SLC4A5: variants seen among roughly 807,000 people sequenced by gnomAD.
The protein encoded by SLC4A5 is electrogenic sodium bicarbonate cotransporter 4.
SLC4A5 carries 96 observed loss-of-function variants against 120.4 expected under a neutral mutation model. The observed-to-expected ratio is 0.80, with a 90% CI of 0.68 to 0.94. The LOEUF (loss-of-function observed/expected upper bound fraction) is 0.94, where lower values mean the gene tolerates loss of function less well. SLC4A5 is among the 40% of genes least tolerant of loss of function. The pLI is 0.00. For synonymous variants in SLC4A5, 550 were observed against 571.1 expected (o/e 0.96, Z 0.53); for missense variants, 1,259 against 1,459.5 (o/e 0.86, Z 2.24).
chr2:74,269,434 T>C (rs773736428), intron 8 of SLC4A5, among the ~76,000 whole-genome samples: 1 of 152,134 alleles, frequency 6.6e-6, no homozygotes, highest in Non-Finnish European at 1.5e-5. Flanking sequence ...GGTTTCATTA[T>C]GTTGGTCAGG....
chr2:74,302,181 T>C (rs772573359), intron 7 of SLC4A5, among the ~76,000 whole-genome samples: 2 of 152,202 alleles, frequency 1.3e-5, no homozygotes, highest in Admixed American at 1.3e-4. Flanking sequence ...TTATGAGACA[T>C]GGCCTACAAT....
At chr2:74,234,893 C>T (rs1670220804) in intron 22 of SLC4A5, among the ~76,000 whole-genome samples, 1 of 152,202 alleles carries the variant, frequency 6.6e-6, no homozygotes, top group Non-Finnish European at 1.5e-5. Flanking sequence ...GACTATAGAT[C>T]AGGATTTCCT....
At position 74,297,474 on chromosome 2, in the gene SLC4A5, G is replaced by A. The variant is rs571313597; in HGVS notation, c.271+7015C>T. Among the ~76,000 whole-genome samples, 9 of 152,264 alleles carry A rather than the reference G, an allele frequency of 5.9e-5. No individual in the cohort carries two copies. The East Asian group carries it at 9.7e-4, about 16-fold the overall frequency. On this transcript the variant is annotated intron_variant, in intron 7 of 30. Coordinates refer to ENST00000394019, the Ensembl canonical transcript of SLC4A5. ...TGCAACAATCTTTCACTCTCCAGAT[G>A]AGAATACTGAGACTCCAGGGTCTAC...
At chr2:74,304,388 G>A in intron 7 of SLC4A5, 101 bp downstream of exon 7, 1 of 1,233,822 alleles carries the variant, frequency 8.1e-7, no homozygotes, top group Non-Finnish European at 1.1e-6. Context: ...GCCATGTGGA[G>A]CGTTACCCAC....
At chr2:74,330,056 T>C (rs1447327721) in intron 4 of SLC4A5, among the ~76,000 whole-genome samples, 1 of 151,026 alleles carries the variant, frequency 6.6e-6, no homozygotes, top group African/African-American at 2.4e-5. Context: ...TGGTGAGGTA[T>C]AGAAGGAGGT....
exon 22 of SLC4A5, chr2:74,235,108 A>G (rs1337537353): frequency 1.2e-6 from 2 of 1,613,682 alleles, no homozygotes; most frequent in Admixed American, 1.7e-5. Flanking sequence ...AACCTTGATG[A>G]CACTGGGCAC....
chr2:74,311,099 T>A (rs1268622079), intron 6 of SLC4A5, among the ~76,000 whole-genome samples: 1 of 152,144 alleles, frequency 6.6e-6, no homozygotes, highest in African/African-American at 2.4e-5. Flanking sequence ...AGGCACAGAG[T>A]TGCTCATAAT....
chr2:74,309,642 C>T (rs1000758932), intron 6 of SLC4A5, among the ~76,000 whole-genome samples: 11 of 151,720 alleles, frequency 7.3e-5, no homozygotes, highest in East Asian at 1.9e-4. Flanking sequence ...AATTTTCCTA[C>T]GCATGAACAT....
intron 19 of SLC4A5, among the ~76,000 whole-genome samples, chr2:74,245,022 C>G (rs1483710624): frequency 6.6e-6 from 1 of 152,048 alleles, no homozygotes; most frequent in African/African-American, 2.4e-5. Flanking sequence ...ATAGATGATT[C>G]TCAGAATGGC....
In SLC4A5 at chr2:74,299,913, C is replaced by T. The variant is rs374645028; in HGVS notation, c.271+4576G>A. On this transcript the variant is annotated intron_variant, in intron 7 of 30. Transcript: ENST00000394019. ...AATCAGTATCTTGAAAAGATACCCA[C>T]GTGCCCATGTTCACTGCAGCATTAT... 5.9e-5 allele frequency among the ~76,000 whole-genome samples: 9 copies of T among 152,258 alleles called. No individual in the cohort carries two copies. The South Asian group carries it at 8.3e-4, about 14-fold the overall frequency.
Position 74,224,261 on chromosome 2 carries a change from G to C in SLC4A5, c.3246+579C>G, listed in dbSNP as rs370849413. On this transcript the variant is annotated intron_variant, in intron 28 of 30. Transcript: ENST00000394019. The stretch of plus-strand genomic sequence containing the variant: ...GGGATGAAATGGGAAGGGACCATGG[G>C]AGAAGAGGGGCAGATGGGGCAACCA... 2.4e-4 allele frequency among the ~76,000 whole-genome samples: 37 copies of C among 152,266 alleles called. 1 individual carries two copies. The East Asian group carries it at 4.3e-3, about 17-fold the overall frequency.
exon 31 of SLC4A5, chr2:74,218,023 C>G (rs536190386): frequency 6.6e-6 from 1 of 152,350 alleles, no homozygotes; most frequent in South Asian, 2.1e-4. Context: ...AGGCTGGTCT[C>G]GAACTCCTGA....
chr2:74,295,217 G>C (rs767738103), intron 7 of SLC4A5, among the ~76,000 whole-genome samples: 3 of 151,936 alleles, frequency 2.0e-5, no homozygotes, highest in Non-Finnish European at 2.9e-5. Flanking sequence ...GGGCAGTGAT[G>C]GGGGGTGGGA....
At chr2:74,246,582 A>G (rs1461300189) in intron 19 of SLC4A5, among the ~76,000 whole-genome samples, 2 of 152,188 alleles carry the variant, frequency 1.3e-5, no homozygotes, top group East Asian at 3.8e-4. Context: ...ATCTGTGTGG[A>G]TGTCCATCCC....
intron 11 of SLC4A5, among the ~76,000 whole-genome samples, chr2:74,260,930 T>C (rs1671114948): frequency 6.6e-6 from 1 of 152,200 alleles, no homozygotes; most frequent in Non-Finnish European, 1.5e-5. Context: ...ACTGGACTAA[T>C]GTTTTTATTT....
intron 5 of SLC4A5, among the ~76,000 whole-genome samples, chr2:74,319,048 C>A (rs1167262115): frequency 1.3e-5 from 2 of 151,744 alleles, no homozygotes; most frequent in African/African-American, 4.8e-5. Context: ...AAAATGAAAT[C>A]ATGTCTTTTG....
intron 6 of SLC4A5, among the ~76,000 whole-genome samples, chr2:74,312,982 T>A (rs143624018): frequency 6.6e-6 from 1 of 151,704 alleles, no homozygotes; most frequent in South Asian, 2.1e-4. Flanking sequence ...ATATCTACCA[T>A]GTTTACAACA....
intron 7 of SLC4A5, among the ~76,000 whole-genome samples, chr2:74,287,990 T>C (rs1376347541): frequency 1.3e-5 from 2 of 152,122 alleles, no homozygotes; most frequent in Non-Finnish European, 2.9e-5. Context: ...GCCCAATCAG[T>C]TCCCGGCCTG....
intron 4 of SLC4A5, among the ~76,000 whole-genome samples, chr2:74,328,530 T>C (rs1673272371): frequency 2.6e-5 from 4 of 152,210 alleles, no homozygotes; most frequent in Admixed American, 2.0e-4. Context: ...TTGGATTCTG[T>C]CTTGGAGGGA....
Sources: gnomAD v4.1 joint callset for allele counts (sites outside exome capture counted in the v4.1 genomes callset) on GRCh38, gnomAD v4.1.1 for gene constraint, MANE v1.5 for transcripts, NCBI Gene and HGNC (gene_info 2026-07-23, HGNC 2026-07-21) for gene names.